The following NUB1 variants were observed in gnomAD, a reference collection of about 807,000 sequenced individuals.
The protein encoded by NUB1 is negative regulator of ubiquitin like proteins 1, also known as NEDD8 ultimate buster 1.
Under a neutral mutation model 77.1 loss-of-function variants are expected in NUB1, and 41 were observed. The observed-to-expected ratio is 0.53, with a 90% CI of 0.41 to 0.69. The LOEUF is 0.69. NUB1 is among the 30% of genes least tolerant of loss of function. NUB1 has a pLI of 0.00. For synonymous variants in NUB1, 257 were observed against 281.0 expected (o/e 0.91, Z 0.85); for missense variants, 643 against 743.8 (o/e 0.86, Z 1.58).
intron 11 of NUB1, 138 bp from the exon 12 acceptor site, chr7:151,373,959 G>T: frequency 7.8e-6 from 7 of 899,268 alleles, no homozygotes; most frequent in Non-Finnish European, 1.2e-5. Context: ...GTGAGGAGAG[G>T]TAGAAAGAGG....
At chr7:151,376,334 GCTGTGGCCA>G (rs1798241595) in intron 13 of NUB1, 5 of 489,706 alleles carry the variant, frequency 1.0e-5, no homozygotes, top group Middle Eastern at 1.1e-3. Flanking sequence ...ACGCCTGTAT[GCTGTGGCCA>G]CTGACCTCGC....
Position 151,348,866 on chromosome 7 carries a change from C to T in NUB1, c.118-207C>T, listed in dbSNP as rs1316524953. On this transcript the variant is annotated intron_variant, in intron 2 of 14. Coordinates refer to ENST00000568733, the MANE Select transcript of NUB1 (RefSeq NM_001243351.2). Reference sequence around the variant, plus strand: ...CTGGGATTACAGGCATGAGCCACCGCGCCCAGTCTCAAATAAGTGTTTTCA... The same window carrying T: ...CTGGGATTACAGGCATGAGCCACCGTGCCCAGTCTCAAATAAGTGTTTTCA... 7.9e-5 allele frequency among the ~76,000 whole-genome samples: 12 copies of T among 152,052 alleles called. No homozygotes were observed. In the East Asian group the frequency reaches 1.2e-3, roughly 15 times the overall value.
At chr7:151,369,638 A>G (rs955497537) in intron 11 of NUB1, among the ~76,000 whole-genome samples, 22 of 152,204 alleles carry the variant, frequency 1.4e-4, no homozygotes, top group Non-Finnish European at 2.1e-4. Flanking sequence ...ATTCTATCCA[A>G]TATGTTCTGC....
In NUB1 at chr7:151,373,962, GA is replaced by G. The variant is rs1406318077; in HGVS notation, c.1249-132del. On this transcript the variant is annotated intron_variant, in intron 11 of 14. Coordinates refer to ENST00000568733, the MANE Select transcript of NUB1 (RefSeq NM_001243351.2). ...CCATTTGGCTGGGTGAGGAGAGGTA[GA>G]AAGAGGGCCCCCTGTGCTTTGCTTT... 3 of 952,814 alleles carry G rather than the reference GA, an allele frequency of 3.1e-6. No homozygotes were observed. In the African/African-American group the frequency reaches 5.0e-5, roughly 16 times the overall value. 59.0% of individuals were successfully genotyped at this position (952,814 alleles called of 1,614,324 possible).
intron 13 of NUB1, chr7:151,376,164 TCTC>T: frequency 3.8e-6 from 2 of 529,756 alleles, no homozygotes; most frequent in Non-Finnish European, 6.8e-6. Flanking sequence ...GTCAGGAAGT[TCTC>T]TTTAGGTTTG....
intron 1 of NUB1, among the ~76,000 whole-genome samples, chr7:151,344,844 A>G (rs1796407828): frequency 1.3e-5 from 2 of 152,090 alleles, no homozygotes; most frequent in Non-Finnish European, 2.9e-5. Context: ...TACTAAAAAT[A>G]TGAAAATTAG....
intron 1 of NUB1, among the ~76,000 whole-genome samples, chr7:151,345,091 T>C (rs900034695): frequency 8.5e-5 from 13 of 152,232 alleles, no homozygotes; most frequent in African/African-American, 3.1e-4. Context: ...GATTAAGAAA[T>C]AGAAACATGT....
chr7:151,351,115 G>A, intron 3 of NUB1: 1 of 329,892 alleles, frequency 3.0e-6, no homozygotes, highest in South Asian at 3.2e-5. Context: ...GGAATGGGGT[G>A]CAGGCCATGG....
chr7:151,362,353 T>C lies in NUB1; in HGVS notation c.800+2106T>C, dbSNP rs544369914. Among the ~76,000 whole-genome samples the C allele has an allele frequency of 9.2e-5, 14 of 152,278 alleles. No homozygotes were observed. In the South Asian group the frequency reaches 2.9e-3, roughly 32 times the overall value. ...CTCTTTTCATAAAGGAAATCAGCAG[T>C]AATGTAAGCCAAATAGAATGCAGAT... is the stretch of plus-strand genomic sequence containing the variant. On this transcript the variant is annotated intron_variant, in intron 8 of 14. Coordinates refer to ENST00000568733, the MANE Select transcript of NUB1 (RefSeq NM_001243351.2).
chr7:151,377,012 C>T, intron 14 of NUB1, 35 bp from the exon 15 acceptor site: 1 of 1,495,332 alleles, frequency 6.7e-7, no homozygotes, highest in Non-Finnish European at 8.9e-7. Flanking sequence ...ACAATCCTCA[C>T]ATAATTCACT....
chr7:151,356,964 A>G (rs1194996251), intron 7 of NUB1, among the ~76,000 whole-genome samples: 3 of 152,042 alleles, frequency 2.0e-5, no homozygotes, highest in Non-Finnish European at 2.9e-5. Context: ...TGATTTGCCC[A>G]CCTTGGCCTC....
intron 2 of NUB1, among the ~76,000 whole-genome samples, chr7:151,347,508 A>G (rs1796559274): frequency 6.6e-6 from 1 of 151,980 alleles, no homozygotes; most frequent in Non-Finnish European, 1.5e-5. Context: ...CCCAGGCTGG[A>G]GTGCAATGGC....
intron 1 of NUB1, 61 bp downstream of exon 1, chr7:151,341,907 G>T: frequency 7.0e-7 from 1 of 1,428,354 alleles, no homozygotes; most frequent in African/African-American, 1.5e-5. Context: ...TTGGCGCCCC[G>T]GTTCCCGGTC....
intron 10 of NUB1, among the ~76,000 whole-genome samples, chr7:151,368,206 G>C (rs947714296): frequency 6.6e-6 from 1 of 152,168 alleles, no homozygotes; most frequent in African/African-American, 2.4e-5. Flanking sequence ...CACTCATCTT[G>C]CCGTCTAGAG....
At chr7:151,352,969 A>G (rs1248641543) in intron 5 of NUB1, 87 bp downstream of exon 5, 3 of 709,452 alleles carry the variant, frequency 4.2e-6, no homozygotes, top group Non-Finnish European at 7.1e-6. Context: ...CTTTTCAAAA[A>G]TTTGTAGCTT....
At chr7:151,363,926 T>TG (rs1302873820) in intron 8 of NUB1, among the ~76,000 whole-genome samples, 1 of 151,754 alleles carries the variant, frequency 6.6e-6, no homozygotes, top group East Asian at 2.0e-4. Context: ...CTCAAGTAGC[T>TG]GGGATTACAG....
chr7:151,351,341 C>T (rs887272535), intron 3 of NUB1, 83 bp from the exon 4 acceptor site: 46 of 1,002,680 alleles, frequency 4.6e-5, no homozygotes, highest in Admixed American at 2.7e-4. Flanking sequence ...TATCCTCTGC[C>T]GTCAGCTTTT....
intron 1 of NUB1, 108 bp downstream of exon 1, chr7:151,341,954 C>T: frequency 7.5e-7 from 1 of 1,338,374 alleles, no homozygotes; most frequent in Non-Finnish European, 9.5e-7. Flanking sequence ...GTGGAGCGGC[C>T]GCGGGGCGGG....
In NUB1 at chr7:151,366,984, C is replaced by A. The variant is rs765176567; in HGVS notation, c.846C>A (p.Val282=). The A allele has an allele frequency of 6.2e-7, 1 of 1,613,462 alleles. No individual in the cohort carries two copies. The highest frequency in any genetic ancestry group is 1.3e-5 in the African/African-American group (1 of 75,032). Residue 282 remains valine, a synonymous_variant, in exon 9 of 15, where the codon GTC becomes GTA. Transcript: ENST00000568733. Reference sequence around the variant, plus strand: ...TGGACACAGTGGATAACTACGCCGTCCTCCAGCTGGATATAGTGTGGTGTT... The same window carrying A: ...TGGACACAGTGGATAACTACGCCGTACTCCAGCTGGATATAGTGTGGTGTT... ...ELLDTVDNYA[V]LQLDIVWCYF...
Sources: allele counts gnomAD v4.1 joint callset (sites outside exome capture counted in the v4.1 genomes callset), GRCh38; gene constraint gnomAD v4.1.1; transcripts MANE v1.5; gene names NCBI Gene and HGNC (gene_info 2026-07-23, HGNC 2026-07-21).